The following GALNTL5 variants were observed in gnomAD, a reference collection of about 807,000 sequenced individuals.
GALNTL5 encodes the protein polypeptide N-acetylgalactosaminyltransferase like 5, also known as inactive polypeptide N-acetylgalactosaminyltransferase-like protein 5.
In GALNTL5, 44 loss-of-function variants were observed where a neutral mutation model predicts 51.0. The ratio of observed to expected loss-of-function variants is 0.86; its 90% CI spans 0.68 to 1.11. The LOEUF is 1.11. Ranked by LOEUF, GALNTL5 falls within the 50% of genes least tolerant of loss-of-function variation. The pLI is 0.00. For synonymous variants in GALNTL5, 192 were observed against 182.8 expected, an observed-to-expected ratio of 1.05 and a Z score of -0.41; for missense variants, 528 against 531.8, an observed-to-expected ratio of 0.99 and a Z score of 0.07.
At chr7:151,966,856 C>G (rs2081066690) in intron 1 of GALNTL5, among the ~76,000 whole-genome samples, 2 of 152,146 alleles carry the variant, frequency 1.3e-5, no homozygotes, top group Admixed American at 1.3e-4. Flanking sequence ...TGCTTGAAGT[C>G]AGATCAGATT....
intron 8 of GALNTL5, among the ~76,000 whole-genome samples, chr7:152,019,176 T>C (rs2081857242): frequency 6.6e-6 from 1 of 152,188 alleles, no homozygotes; most frequent in Non-Finnish European, 1.5e-5. Flanking sequence ...AGGGGAAGAC[T>C]TGCCTAGGGT....
chr7:151,995,732 T>C (rs2081491607), intron 5 of GALNTL5, among the ~76,000 whole-genome samples: 1 of 152,088 alleles, frequency 6.6e-6, no homozygotes, highest in Non-Finnish European at 1.5e-5. Flanking sequence ...AAATAAATAA[T>C]TAAAACATAA....
At chr7:151,975,637 C>T (rs1247940414) in intron 3 of GALNTL5, among the ~76,000 whole-genome samples, 2 of 151,644 alleles carry the variant, frequency 1.3e-5, no homozygotes, top group Non-Finnish European at 2.9e-5. Context: ...TTTCTTGTTC[C>T]TTCAGGTATA....
At chr7:152,000,384 G>A (rs2081557000) in intron 5 of GALNTL5, among the ~76,000 whole-genome samples, 1 of 152,190 alleles carries the variant, frequency 6.6e-6, no homozygotes, top group Non-Finnish European at 1.5e-5. Context: ...GGGAACTGCT[G>A]ACCAGAGACC....
intron 3 of GALNTL5, among the ~76,000 whole-genome samples, chr7:151,980,857 T>C (rs991090241): frequency 2.2e-4 from 31 of 140,124 alleles, no homozygotes; most frequent in Admixed American, 2.0e-3. Flanking sequence ...GCCATTCTCC[T>C]GCCTCAGCCT....
At chr7:151,986,507 T>C (rs1534663) in intron 4 of GALNTL5, among the ~76,000 whole-genome samples, 149,348 of 152,136 alleles carry the variant, frequency 0.98, 73,368 homozygotes, top group East Asian at 1. Flanking sequence ...TTGTGGTGCA[T>C]ACCTGTAGTC....
chr7:151,975,436 G>T (rs1291459223), intron 3 of GALNTL5, among the ~76,000 whole-genome samples: 1 of 151,748 alleles, frequency 6.6e-6, no homozygotes, highest in African/African-American at 2.4e-5. Flanking sequence ...TTCTGGTCTT[G>T]TTTTTTTGAG....
rs112161863 is a variant in GALNTL5, at chr7:151,994,781, A to G, written c.658+7500A>G. 4.8e-3 allele frequency among the ~76,000 whole-genome samples: 705 copies of G among 146,956 alleles called. 7 individuals carry two copies. The highest frequency in any genetic ancestry group is 0.017 in the African/African-American group (640 of 38,582). On this transcript the variant is annotated intron_variant, in intron 5 of 8. Coordinates refer to ENST00000392800, the MANE Select transcript of GALNTL5 (RefSeq NM_145292.4). ...CCCCCAATTTTTTTTTTTTTTTGACAGAGTCTCGTTCTGTCCCCCAGGCTG... is the reference window on the plus strand; with the variant it reads ...CCCCCAATTTTTTTTTTTTTTTGACGGAGTCTCGTTCTGTCCCCCAGGCTG...
intron 5 of GALNTL5, among the ~76,000 whole-genome samples, chr7:151,990,499 T>A (rs1372517928): frequency 7.5e-6 from 1 of 133,384 alleles, no homozygotes; most frequent in East Asian, 2.3e-4. Flanking sequence ...GAGAATGGCG[T>A]GAACCCGGGA....
intron 5 of GALNTL5, among the ~76,000 whole-genome samples, chr7:151,990,593 G>C (rs200074195): frequency 1.0e-4 from 5 of 48,482 alleles, no homozygotes; most frequent in African/African-American, 1.4e-4. Flanking sequence ...AAAAAAAAAA[G>C]CCCACTTTCT....
At chr7:151,967,167 G>A (rs207468800) in intron 1 of GALNTL5, 41 bp from the exon 2 acceptor site, 2 of 1,315,638 alleles carry the variant, frequency 1.5e-6, no homozygotes, top group African/African-American at 3.0e-5. Flanking sequence ...ACAAACCATT[G>A]GAATATCTAA....
chr7:151,970,840 T>C, intron 2 of GALNTL5, 105 bp from the exon 3 acceptor site: 1 of 922,924 alleles, frequency 1.1e-6, no homozygotes, highest in Non-Finnish European at 1.6e-6. Context: ...CCGAATTCTA[T>C]TCTGGTTCTT....
chr7:152,008,177 G>C (rs1262173908), intron 7 of GALNTL5, among the ~76,000 whole-genome samples: 2 of 151,872 alleles, frequency 1.3e-5, no homozygotes, highest in African/African-American at 4.8e-5. Flanking sequence ...ACTTTGGGAG[G>C]CTGAGGCAAG....
At chr7:151,988,952 G>A (rs567045889) in intron 5 of GALNTL5, among the ~76,000 whole-genome samples, 13 of 151,872 alleles carry the variant, frequency 8.6e-5, no homozygotes, top group South Asian at 4.2e-4. Context: ...TGCCCACCTC[G>A]GCTTCCCACA....
intron 5 of GALNTL5, among the ~76,000 whole-genome samples, chr7:151,999,245 C>G (rs78316439): frequency 0.017 from 2,532 of 152,188 alleles, 75 homozygotes; most frequent in African/African-American, 0.058. Context: ...CTGTGATACA[C>G]CACAGTTTGT....
At chr7:151,992,704 G>GA (rs748805944) in intron 5 of GALNTL5, among the ~76,000 whole-genome samples, 25 of 152,200 alleles carry the variant, frequency 1.6e-4, no homozygotes, top group Non-Finnish European at 3.7e-4. Flanking sequence ...CCTGGGTTAG[G>GA]ACTTGAAAAT....
intron 3 of GALNTL5, among the ~76,000 whole-genome samples, chr7:151,973,071 AAGC>A (rs1471013722): frequency 6.6e-6 from 1 of 152,146 alleles, no homozygotes; most frequent in Non-Finnish European, 1.5e-5. Flanking sequence ...AGAGCCACAG[AAGC>A]AGAACTGCCC....
chr7:152,014,788 T>C lies in GALNTL5; in HGVS notation c.1171T>C (p.Tyr391His), dbSNP rs1436856768. ...LRLVHVWLDE[Y>H]KEQFFLRKPG... ...ACTGGTGCACGTTTGGCTGGATGAA[T>C]ATAAGGTGGGGAACACATCCTTGAC... Residue 391 changes from tyrosine (Y) to histidine (H), a missense_variant, in exon 8 of 9, where the codon TAT (tyrosine) becomes CAT (histidine). Transcript: ENST00000392800. 6.2e-7 allele frequency: 1 copy of C among 1,608,528 alleles called. No homozygotes were observed. The highest frequency in any genetic ancestry group is 8.5e-7 in the Non-Finnish European group (1 of 1,178,020).
At chr7:151,961,646 C>T (rs560110839) in intron 1 of GALNTL5, among the ~76,000 whole-genome samples, 11 of 152,170 alleles carry the variant, frequency 7.2e-5, no homozygotes, top group South Asian at 2.1e-4. Context: ...CAGACGCTGA[C>T]GGTCCTAGAG....
Sources: gnomAD v4.1 joint callset for allele counts (sites outside exome capture counted in the v4.1 genomes callset) on GRCh38, gnomAD v4.1.1 for gene constraint, MANE v1.5 for transcripts, NCBI Gene and HGNC (gene_info 2026-07-23, HGNC 2026-07-21) for gene names.